Variants in C12orf54 observed in about 807,000 individuals in gnomAD.
C12orf54 encodes the protein chromosome 12 open reading frame 54.
A neutral mutation model predicts 26.4 loss-of-function variants in C12orf54; 24 were observed. The observed-to-expected ratio is 0.91, with a 90% CI of 0.66 to 1.28. The LOEUF (loss-of-function observed/expected upper bound fraction) is 1.28, where lower values mean the gene tolerates loss of function less well. Ranked by LOEUF, C12orf54 falls within the 50% of genes most tolerant of loss-of-function variation. The probability of loss-of-function intolerance (pLI) is 0.00; values close to 1 mark genes in which losing one functional copy is unlikely to be tolerated. For missense variants in C12orf54, 154 were observed against 150.9 expected (o/e 1.02, Z -0.11); for synonymous variants, 54 against 47.0 (o/e 1.15, Z -0.61).
At chr12:48,418,170 G>C in the C12orf54 span, among the ~76,000 whole-genome samples, 1 of 152,130 alleles carries the variant, frequency 6.6e-6, no homozygotes, top group East Asian at 1.9e-4. Context: ...ATCACGTTGG[G>C]AATAGGGATT....
chr12:48,422,636 T>G, the C12orf54 span, among the ~76,000 whole-genome samples: 4 of 152,258 alleles, frequency 2.6e-5, no homozygotes, highest in East Asian at 7.7e-4. Context: ...ATCTCAGAAG[T>G]TCTTAGAGGC....
At chr12:48,487,453 C>A (rs1326885288) in intron 4 of C12orf54, among the ~76,000 whole-genome samples, 18 of 152,144 alleles carry the variant, frequency 1.2e-4, no homozygotes, top group Admixed American at 1.1e-3. Context: ...GTCCAACATG[C>A]TTTATTTTCT....
chr12:48,418,772 A>G, the C12orf54 span, among the ~76,000 whole-genome samples: 1 of 152,302 alleles, frequency 6.6e-6, no homozygotes, highest in Non-Finnish European at 1.5e-5. Context: ...TCTGTTGTTT[A>G]GTTCTTCCTC....
At chr12:48,476,380 A>C in the C12orf54 span, among the ~76,000 whole-genome samples, 1 of 152,228 alleles carries the variant, frequency 6.6e-6, no homozygotes, top group Non-Finnish European at 1.5e-5. Flanking sequence ...GACAGGATCA[A>C]ATTCACACAT....
At chr12:48,435,334 T>A in the C12orf54 span, among the ~76,000 whole-genome samples, 2 of 152,174 alleles carry the variant, frequency 1.3e-5, no homozygotes, top group Non-Finnish European at 2.9e-5. Context: ...TGGAAAACAC[T>A]CTGCAGGATA....
the C12orf54 span, among the ~76,000 whole-genome samples, chr12:48,453,391 G>A: frequency 1.0e-3 from 157 of 151,482 alleles, no homozygotes; most frequent in African/African-American, 3.7e-3. Flanking sequence ...AGTGGATGCT[G>A]AGCTTAATAC....
At chr12:48,423,225 A>G in the C12orf54 span, among the ~76,000 whole-genome samples, 2 of 152,168 alleles carry the variant, frequency 1.3e-5, no homozygotes, top group Admixed American at 6.5e-5. Context: ...CAGCCAAGAT[A>G]AGAAATTTAC....
chr12:48,421,515 T>G, the C12orf54 span, among the ~76,000 whole-genome samples: 62 of 122,530 alleles, frequency 5.1e-4, no homozygotes, highest in African/African-American at 1.9e-3. Context: ...TCATGTGCTT[T>G]TTTTTTTTTT....
upstream of C12orf54, among the ~76,000 whole-genome samples, chr12:48,478,648 A>G (rs1387983376): frequency 1.3e-5 from 2 of 152,138 alleles, no homozygotes; most frequent in African/African-American, 2.4e-5. Context: ...CCCCTTCACA[A>G]TTGCTTCAAA....
At chr12:48,448,064 G>A in the C12orf54 span, among the ~76,000 whole-genome samples, 3 of 151,576 alleles carry the variant, frequency 2.0e-5, no homozygotes, top group East Asian at 5.8e-4. Context: ...AAAAAAATCA[G>A]CTATCAGTCT....
chr12:48,415,617 C>T, the C12orf54 span, among the ~76,000 whole-genome samples: 1 of 152,092 alleles, frequency 6.6e-6, no homozygotes, highest in Non-Finnish European at 1.5e-5. Context: ...GTGGATCATC[C>T]TCAGCTTGAA....
At chr12:48,422,504 C>T in the C12orf54 span, among the ~76,000 whole-genome samples, 1 of 152,110 alleles carries the variant, frequency 6.6e-6, no homozygotes, top group African/African-American at 2.4e-5. Context: ...TGGAATGACC[C>T]AATCTAGTAT....
chr12:48,470,234 T>C, the C12orf54 span, among the ~76,000 whole-genome samples: 1 of 152,218 alleles, frequency 6.6e-6, no homozygotes, highest in Non-Finnish European at 1.5e-5. Flanking sequence ...GTGGATCAAA[T>C]GTATTTCTGT....
chr12:48,456,171 A>G, the C12orf54 span, among the ~76,000 whole-genome samples: 1 of 152,178 alleles, frequency 6.6e-6, no homozygotes, highest in Non-Finnish European at 1.5e-5. Flanking sequence ...AGCCAACAAC[A>G]ATTGTTTTCC....
chr12:48,481,014 C>T (rs1211934497), upstream of C12orf54, among the ~76,000 whole-genome samples: 1 of 151,984 alleles, frequency 6.6e-6, no homozygotes, highest in Admixed American at 6.6e-5. Context: ...AAGCTACACT[C>T]ACACAGACAT....
intron 4 of C12orf54, chr12:48,488,286 G>A (rs1937702902): frequency 1.7e-6 from 1 of 576,316 alleles, no homozygotes; most frequent in East Asian, 3.4e-5. Context: ...TTAGCGATCT[G>A]GAAGACTTAC....
the C12orf54 span, among the ~76,000 whole-genome samples, chr12:48,428,601 C>A: frequency 6.6e-6 from 1 of 151,960 alleles, no homozygotes. Context: ...AAGATATAAC[C>A]CTCCTACCTT....
At chr12:48,440,393 A>G in the C12orf54 span, among the ~76,000 whole-genome samples, 5 of 152,342 alleles carry the variant, frequency 3.3e-5, no homozygotes, top group South Asian at 4.1e-4. Context: ...CTAATTTTGG[A>G]CCATGATAAT....
chr12:48,462,815 CA>C, the C12orf54 span, among the ~76,000 whole-genome samples: 1 of 151,730 alleles, frequency 6.6e-6, no homozygotes, highest in Non-Finnish European at 1.5e-5. Flanking sequence ...AGACTGAAAG[CA>C]GTCTCTTTAG....
Sources: gnomAD v4.1 joint callset for allele counts (sites outside exome capture counted in the v4.1 genomes callset) on GRCh38, gnomAD v4.1.1 for gene constraint, MANE v1.5 for transcripts, NCBI Gene and HGNC (gene_info 2026-07-23, HGNC 2026-07-21) for gene names.